The following TPST1 variants were observed in gnomAD, a reference collection of about 807,000 sequenced individuals.
The protein encoded by TPST1 is protein-tyrosine sulfotransferase 1.
TPST1 carries 20 observed loss-of-function variants against 34.8 expected under a neutral mutation model. The ratio of observed to expected loss-of-function variants is 0.57; its 90% CI spans 0.40 to 0.84. The LOEUF (loss-of-function observed/expected upper bound fraction) is 0.84, where lower values mean the gene tolerates loss of function less well. Ranked by LOEUF, TPST1 falls within the 40% of genes least tolerant of loss-of-function variation. The probability of loss-of-function intolerance (pLI) is 0.00; values close to 1 mark genes in which losing one functional copy is unlikely to be tolerated. For missense variants in TPST1, 353 were observed against 455.5 expected (o/e 0.78, Z 2.05); for synonymous variants, 152 against 159.4 (o/e 0.95, Z 0.35).
At chr7:66,313,211 T>C (rs1220761882) in intron 3 of TPST1, among the ~76,000 whole-genome samples, 3 of 152,088 alleles carry the variant, frequency 2.0e-5, no homozygotes, top group Non-Finnish European at 4.4e-5. Flanking sequence ...GTTAGGAGTT[T>C]GAGACCAGCC....
chr7:66,293,552 TATC>T (rs1261398665), intron 3 of TPST1, among the ~76,000 whole-genome samples: 1 of 152,156 alleles, frequency 6.6e-6, no homozygotes, highest in African/African-American at 2.4e-5. Context: ...AATGCTTTCT[TATC>T]AGCAGTCTTC....
At chr7:66,212,529 G>A (rs1362703617) in intron 1 of TPST1, among the ~76,000 whole-genome samples, 3 of 149,216 alleles carry the variant, frequency 2.0e-5, no homozygotes, top group African/African-American at 5.0e-5. Context: ...ATATGATCTC[G>A]GCTCACTGCA....
chr7:66,224,477 C>T (rs1024423412), intron 1 of TPST1, among the ~76,000 whole-genome samples: 2 of 152,154 alleles, frequency 1.3e-5, no homozygotes, highest in Non-Finnish European at 2.9e-5. Flanking sequence ...TTGTTACATT[C>T]CTGTAATTTA....
chr7:66,253,628 C>T (rs577333205), intron 2 of TPST1, among the ~76,000 whole-genome samples: 2 of 151,918 alleles, frequency 1.3e-5, no homozygotes, highest in South Asian at 2.1e-4. Context: ...ACCCTGGCCT[C>T]CCAAAGTGCT....
At chr7:66,337,207 A>G (rs1044643436) in intron 3 of TPST1, among the ~76,000 whole-genome samples, 2 of 152,180 alleles carry the variant, frequency 1.3e-5, no homozygotes, top group African/African-American at 2.4e-5. Flanking sequence ...ACTCACTGGT[A>G]AAAGAAGACT....
At chr7:66,353,895 C>T (rs1792530437) in intron 4 of TPST1, among the ~76,000 whole-genome samples, 1 of 152,192 alleles carries the variant, frequency 6.6e-6, no homozygotes, top group Non-Finnish European at 1.5e-5. Flanking sequence ...TGAGGGAAGC[C>T]ATGTCTCACA....
At chr7:66,222,122 G>A (rs567336754) in intron 1 of TPST1, among the ~76,000 whole-genome samples, 4 of 152,278 alleles carry the variant, frequency 2.6e-5, no homozygotes, top group South Asian at 2.1e-4. Flanking sequence ...GGTGGCTCAC[G>A]CCTGTAATCC....
intron 3 of TPST1, among the ~76,000 whole-genome samples, chr7:66,307,181 G>A (rs1040649610): frequency 2.0e-5 from 3 of 149,230 alleles, no homozygotes; most frequent in Admixed American, 1.3e-4. Context: ...GCAGTGATGA[G>A]ATCTCGGCTC....
At chr7:66,280,581 C>G (rs62468673) in intron 2 of TPST1, among the ~76,000 whole-genome samples, 5,613 of 152,260 alleles carry the variant, frequency 0.037, 165 homozygotes, top group East Asian at 0.088. Context: ...AGATAGTTGA[C>G]TTCCACTCTT....
chr7:66,267,066 C>T (rs1277587872), intron 2 of TPST1, among the ~76,000 whole-genome samples: 1 of 152,068 alleles, frequency 6.6e-6, no homozygotes, highest in Non-Finnish European at 1.5e-5. Context: ...CTTGATTGCT[C>T]TGTCAGTGTT....
intron 5 of TPST1, among the ~76,000 whole-genome samples, chr7:66,357,094 G>C (rs1199392412): frequency 6.6e-6 from 1 of 152,190 alleles, no homozygotes; most frequent in Non-Finnish European, 1.5e-5. Flanking sequence ...ATGGTGGTGA[G>C]AATTAATCAT....
intron 2 of TPST1, among the ~76,000 whole-genome samples, chr7:66,244,724 G>A (rs772073233): frequency 1.3e-5 from 2 of 152,138 alleles, no homozygotes; most frequent in Non-Finnish European, 2.9e-5. Context: ...ATGAAATTAC[G>A]TGGAACAAAT....
chr7:66,245,222 C>T (rs1200709351), intron 2 of TPST1, among the ~76,000 whole-genome samples: 1 of 152,086 alleles, frequency 6.6e-6, no homozygotes, highest in African/African-American at 2.4e-5. Context: ...TATTTAGCAC[C>T]ACTGCAGGAG....
At chr7:66,322,087 C>T (rs1791768752) in intron 3 of TPST1, among the ~76,000 whole-genome samples, 2 of 152,102 alleles carry the variant, frequency 1.3e-5, no homozygotes, top group Admixed American at 6.6e-5. Flanking sequence ...ATTTTGTGAT[C>T]TTTTTCTTTA....
the TPST1 span, among the ~76,000 whole-genome samples, chr7:66,199,665 C>G: frequency 6.6e-6 from 1 of 151,778 alleles, no homozygotes; most frequent in South Asian, 2.1e-4. Flanking sequence ...TCCCTCCGTG[C>G]CAGACCCGAG....
At chr7:66,264,650 A>G (rs1302005960) in intron 2 of TPST1, among the ~76,000 whole-genome samples, 3 of 152,228 alleles carry the variant, frequency 2.0e-5, no homozygotes, top group Non-Finnish European at 4.4e-5. Flanking sequence ...GAAACAAACA[A>G]CTACAACAAT....
chr7:66,233,010 G>C (rs529981285), intron 1 of TPST1, among the ~76,000 whole-genome samples: 1 of 151,914 alleles, frequency 6.6e-6, no homozygotes, highest in Admixed American at 6.6e-5. Context: ...TATTCTTTGG[G>C]GAAATATGTA....
chr7:66,335,786 A>T (rs1462444473), intron 3 of TPST1, among the ~76,000 whole-genome samples: 1 of 152,214 alleles, frequency 6.6e-6, no homozygotes, highest in East Asian at 1.9e-4. Context: ...CCAGTACTTA[A>T]GCTCTCATAC....
At chr7:66,345,276 C>A (rs1466668863) in intron 3 of TPST1, among the ~76,000 whole-genome samples, 8 of 151,148 alleles carry the variant, frequency 5.3e-5, no homozygotes, top group Admixed American at 2.0e-4. Flanking sequence ...GTGGGCAGAT[C>A]ACTTGAGGTC....
Sources: gnomAD v4.1 joint callset for allele counts (sites outside exome capture counted in the v4.1 genomes callset) on GRCh38, gnomAD v4.1.1 for gene constraint, MANE v1.5 for transcripts, NCBI Gene and HGNC (gene_info 2026-07-23, HGNC 2026-07-21) for gene names.